Variants in CDC5L observed in about 807,000 individuals in gnomAD.
The protein encoded by CDC5L is cell division cycle 5-like protein.
A neutral mutation model predicts 104.1 loss-of-function variants in CDC5L; 18 were observed. The ratio of observed to expected loss-of-function variants is 0.17; its 90% CI spans 0.12 to 0.26. The LOEUF (loss-of-function observed/expected upper bound fraction) is 0.26. CDC5L is among the 10% of genes least tolerant of loss of function. CDC5L has a pLI of 1.00. For missense variants in CDC5L, 673 were observed against 956.9 expected (o/e 0.70, Z 3.91); for synonymous variants, 331 against 322.7 (o/e 1.03, Z -0.28).
intron 8 of CDC5L, among the ~76,000 whole-genome samples, chr6:44,418,992 C>T (rs1417363296): frequency 6.6e-6 from 1 of 151,934 alleles, no homozygotes; most frequent in Non-Finnish European, 1.5e-5. Flanking sequence ...TGCAGAAGCT[C>T]TTTAGTTTAA....
intron 8 of CDC5L, among the ~76,000 whole-genome samples, chr6:44,411,637 A>AGAGAGAGAGAGTGTGTGTGTGTGT: frequency 1.2e-4 from 15 of 123,644 alleles, no homozygotes; most frequent in Admixed American, 5.8e-4. Context: ...AGAGAGAGAG[A>AGAGAGAGAGAGTGTGTGTGTGTGT]GTGTGTGTGT....
intron 7 of CDC5L, among the ~76,000 whole-genome samples, chr6:44,406,696 C>A (rs977725204): frequency 6.6e-6 from 1 of 152,156 alleles, no homozygotes; most frequent in Non-Finnish European, 1.5e-5. Flanking sequence ...CACCTGAGGT[C>A]AGGAGTTCAA....
chr6:44,416,950 A>G (rs1163880607), intron 8 of CDC5L, among the ~76,000 whole-genome samples: 3 of 152,210 alleles, frequency 2.0e-5, no homozygotes, highest in Non-Finnish European at 4.4e-5. Flanking sequence ...GGCCTTTGAT[A>G]ATGTGAAATT....
intron 8 of CDC5L, among the ~76,000 whole-genome samples, chr6:44,414,163 T>C (rs1791794114): frequency 6.6e-6 from 1 of 152,014 alleles, no homozygotes; most frequent in Non-Finnish European, 1.5e-5. Context: ...CACTGCAGAC[T>C]CAACTTCTCT....
chr6:44,388,303 A>C (rs1052371702), intron 1 of CDC5L, among the ~76,000 whole-genome samples: 1 of 151,938 alleles, frequency 6.6e-6, no homozygotes, highest in African/African-American at 2.4e-5. Flanking sequence ...TTGTGTCTCC[A>C]TTGACTTCCT....
At position 44,387,849 on chromosome 6, in the gene CDC5L, G is replaced by A; in HGVS notation, c.26G>A (p.Gly9Asp). 1 of 1,567,022 alleles carries A rather than the reference G, an allele frequency of 6.4e-7. No homozygotes were observed. Among genetic ancestry groups the A allele is most frequent in the Non-Finnish European group, 8.7e-7 (1 of 1,154,676 alleles). The stretch of plus-strand genomic sequence containing the variant: ...ATGCCTCGAATTATGATCAAGGGGG[G>A]CGTATGGAGGAATACCGAGGTAAGT... Reference protein sequence around the residue: MPRIMIKGGVWRNTEDEIL... With the variant: MPRIMIKGDVWRNTEDEIL... Residue 9 changes from glycine (G) to aspartate (D), a missense_variant, in exon 1 of 16, where the codon GGC (glycine) becomes GAC (aspartate). Coordinates refer to ENST00000371477, the MANE Select transcript of CDC5L (RefSeq NM_001253.4).
intron 13 of CDC5L, among the ~76,000 whole-genome samples, chr6:44,426,965 T>C (rs1792451998): frequency 6.6e-6 from 1 of 152,188 alleles, no homozygotes. Context: ...TTTTGGTTCA[T>C]GGGTATTAAT....
chr6:44,387,746 T>A lies in CDC5L; in HGVS notation c.-78T>A. On this transcript the variant is annotated 5_prime_UTR_variant, in exon 1 of 16. Coordinates refer to ENST00000371477, the MANE Select transcript of CDC5L (RefSeq NM_001253.4). Reference sequence around the variant, plus strand: ...TCGCGCTTGGAGGAAGTGGCGGCTTTGAGTCCGGTGGCCCAATCGCTGTTA... The same window carrying A: ...TCGCGCTTGGAGGAAGTGGCGGCTTAGAGTCCGGTGGCCCAATCGCTGTTA... 1 of 1,315,660 alleles carries A rather than the reference T, an allele frequency of 7.6e-7. No individual in the cohort carries two copies. Among genetic ancestry groups the A allele is most frequent in the South Asian group, 1.3e-5 (1 of 78,960 alleles). 81.5% of individuals were successfully genotyped at this position (1,315,660 alleles called of 1,614,324 possible). A position where few individuals can be genotyped will look rare whatever the true frequency, so the allele number is the denominator to read the frequency against.
In CDC5L at chr6:44,395,112, T is replaced by C. The variant is rs11571925; in HGVS notation, c.440-1229T>C. On this transcript the variant is annotated intron_variant, in intron 4 of 15. Coordinates refer to ENST00000371477, the MANE Select transcript of CDC5L (RefSeq NM_001253.4). ...AGAGTGATAGATGCCAGAGGCTGGGTATGGTGTGTGGGTGGGAGAGCGGGA... is the reference window on the plus strand; with the variant it reads ...AGAGTGATAGATGCCAGAGGCTGGGCATGGTGTGTGGGTGGGAGAGCGGGA... Among the ~76,000 whole-genome samples, 49 of 152,100 alleles carry C rather than the reference T, an allele frequency of 3.2e-4. No homozygotes were observed. In the East Asian group the frequency reaches 8.7e-3, roughly 27 times the overall value.
In CDC5L at chr6:44,426,629, G is replaced by C. The variant is rs768538161; in HGVS notation, c.1798G>C (p.Gly600Arg). Residue 600 changes from glycine to arginine, a missense_variant, in exon 13 of 16, where the codon GGC (glycine) becomes CGC (arginine). Gly to Arg is a moderately radical substitution (Grantham distance 125, BLOSUM62 -2). Transcript: ENST00000371477. ...HPYEPSGNKK[G>R]KTVGFGTNNS... ...TTATGAACCATCTGGAAATAAAAAAGGCAAAACTGTAGGGTTTGGTACCAA... is the reference window on the plus strand; with the variant it reads ...TTATGAACCATCTGGAAATAAAAAACGCAAAACTGTAGGGTTTGGTACCAA... 1.2e-6 allele frequency: 2 copies of C among 1,613,406 alleles called. No individual in the cohort carries two copies. The highest frequency in any genetic ancestry group is 2.2e-5 in the South Asian group (2 of 91,058).
intron 6 of CDC5L, among the ~76,000 whole-genome samples, chr6:44,405,396 T>C (rs1477812500): frequency 6.6e-6 from 1 of 152,158 alleles, no homozygotes; most frequent in Non-Finnish European, 1.5e-5. Flanking sequence ...AAACTATTCA[T>C]TTGGAAGGAG....
intron 8 of CDC5L, among the ~76,000 whole-genome samples, chr6:44,410,153 T>C (rs970380340): frequency 1.3e-5 from 2 of 152,210 alleles, no homozygotes; most frequent in Admixed American, 1.3e-4. Context: ...ATCACTGTAA[T>C]GTATAATATC....
At chr6:44,435,337 A>G (rs1279380202) in intron 14 of CDC5L, among the ~76,000 whole-genome samples, 2 of 152,020 alleles carry the variant, frequency 1.3e-5, no homozygotes, top group Non-Finnish European at 2.9e-5. Context: ...GAATTTTAAA[A>G]TACAAACTGA....
At chr6:44,408,759 G>A (rs2153378077) in intron 8 of CDC5L, 127 bp downstream of exon 8, 2 of 529,054 alleles carry the variant, frequency 3.8e-6, no homozygotes, top group East Asian at 6.2e-5. Context: ...AGTCCTGAAT[G>A]CATAGATCTT....
rs1284571083 is a variant in CDC5L at position 44,426,165 on chromosome 6, T to C, written c.1632T>C (p.Asp544=). 1 of 1,607,930 alleles carries C rather than the reference T, an allele frequency of 6.2e-7. No homozygotes were observed. The highest frequency in any genetic ancestry group is 8.5e-7 in the Non-Finnish European group (1 of 1,176,228). ...MKRMHKAVQK[D]LPRPSEVNET... is the part of the protein sequence containing the mutation. ...GAATGCATAAAGCTGTCCAGAAAGATCTGCCAAGACCATCAGAAGTAAGTG... is the reference window on the plus strand; with the variant it reads ...GAATGCATAAAGCTGTCCAGAAAGACCTGCCAAGACCATCAGAAGTAAGTG... Residue 544 remains aspartate (D), a synonymous_variant, in exon 12 of 16, where the codon GAT becomes GAC. Coordinates refer to ENST00000371477, the MANE Select transcript of CDC5L (RefSeq NM_001253.4).
chr6:44,419,234 A>G (rs908568129), intron 8 of CDC5L, among the ~76,000 whole-genome samples: 5 of 152,180 alleles, frequency 3.3e-5, no homozygotes, highest in Non-Finnish European at 5.9e-5. Context: ...CAGTTTTCCC[A>G]TGATGTATAA....
chr6:44,412,554 G>A (rs1791693846), intron 8 of CDC5L, among the ~76,000 whole-genome samples: 1 of 151,394 alleles, frequency 6.6e-6, no homozygotes, highest in Admixed American at 6.6e-5. Flanking sequence ...GGTGCTGTTT[G>A]AAGAAGTTTG....
At position 44,426,616 on chromosome 6, in the gene CDC5L, T is replaced by G; in HGVS notation, c.1785T>G (p.Ser595=). 2 of 1,613,576 alleles carry G rather than the reference T, an allele frequency of 1.2e-6. No homozygotes were observed. The highest frequency in any genetic ancestry group is 8.5e-7 in the Non-Finnish European group (1 of 1,179,708). Residue 595 remains serine, a synonymous_variant, in exon 13 of 16, where the codon TCT becomes TCG. Coordinates refer to ENST00000371477, the MANE Select transcript of CDC5L (RefSeq NM_001253.4). ...TTCTACATCACCCTTATGAACCATCTGGAAATAAAAAAGGCAAAACTGTAG... is the reference window on the plus strand; with the variant it reads ...TTCTACATCACCCTTATGAACCATCGGGAAATAAAAAAGGCAAAACTGTAG... ...YDLLHHPYEP[S]GNKKGKTVGF... is the part of the protein sequence containing the mutation.
Position 44,408,614 on chromosome 6 carries a change from C to T in CDC5L, c.1074C>T (p.Ser358=), listed in dbSNP as rs539044223. The change falls in exon 8 of 16, where the codon TCC becomes TCT. Residue 358 remains serine, a synonymous_variant. Transcript: ENST00000371477. ...VALRTPRTPA[S]QDRILQEAQN... ...TTAGAACACCACGAACACCAGCTTC[C>T]CAGGACAGAATTCTGCAGGTAACGT... is the stretch of plus-strand genomic sequence containing the variant. 33 of 1,602,648 alleles carry T rather than the reference C, an allele frequency of 2.1e-5. No individual in the cohort carries two copies. Among genetic ancestry groups the T allele is most frequent in the Non-Finnish European group, 2.6e-5 (31 of 1,171,764 alleles).
Sources: allele counts gnomAD v4.1 joint callset (sites outside exome capture counted in the v4.1 genomes callset), GRCh38; gene constraint gnomAD v4.1.1; transcripts MANE v1.5; gene names NCBI Gene and HGNC (gene_info 2026-07-23, HGNC 2026-07-21).